The following COMMD10 variants were observed in gnomAD, a reference collection of about 807,000 sequenced individuals.
COMMD10 encodes COMM domain containing 10, also known as COMM domain-containing protein 10.
In COMMD10, 33 loss-of-function variants were observed where a neutral mutation model predicts 28.9. That is an observed-to-expected ratio of 1.14 (90% CI 0.87 to 1.53). The LOEUF (loss-of-function observed/expected upper bound fraction) is 1.53. Ranked by LOEUF, COMMD10 falls within the 40% of genes most tolerant of loss-of-function variation. The probability of loss-of-function intolerance (pLI) is 0.00; values close to 1 mark genes in which losing one functional copy is unlikely to be tolerated. For missense variants in COMMD10, 310 were observed against 233.4 expected (o/e 1.33, Z -2.14); for synonymous variants, 110 against 81.7 (o/e 1.35, Z -1.87).
intron 5 of COMMD10, among the ~76,000 whole-genome samples, chr5:116,207,604 C>T (rs1396638793): frequency 6.6e-6 from 1 of 152,152 alleles, no homozygotes. Flanking sequence ...GGGCTCACTG[C>T]AGCCTCCGCC....
intron 4 of COMMD10, among the ~76,000 whole-genome samples, chr5:116,101,825 G>C (rs898027773): frequency 4.6e-5 from 7 of 152,144 alleles, no homozygotes; most frequent in South Asian, 4.1e-4. Flanking sequence ...ATTTTTAAAT[G>C]TATCTGTTGG....
At chr5:116,120,986 CT>C (rs932293911) in intron 4 of COMMD10, among the ~76,000 whole-genome samples, 1 of 151,268 alleles carries the variant, frequency 6.6e-6, no homozygotes, top group African/African-American at 2.4e-5. Flanking sequence ...CCTATATTTT[CT>C]TTTTTTTAAT....
At chr5:116,127,488 G>T (rs1425943359) in intron 4 of COMMD10, among the ~76,000 whole-genome samples, 1 of 152,186 alleles carries the variant, frequency 6.6e-6, no homozygotes, top group East Asian at 1.9e-4. Flanking sequence ...CATGTTTATA[G>T]TGGCACTATT....
chr5:116,133,314 TTA>T (rs1283236546), intron 4 of COMMD10, among the ~76,000 whole-genome samples: 2 of 152,220 alleles, frequency 1.3e-5, no homozygotes, highest in African/African-American at 4.8e-5. Flanking sequence ...GCTCAATACT[TTA>T]TAAGAAAAGT....
At chr5:116,182,536 T>A (rs1283023045) in intron 5 of COMMD10, among the ~76,000 whole-genome samples, 1 of 151,986 alleles carries the variant, frequency 6.6e-6, no homozygotes, top group Non-Finnish European at 1.5e-5. Context: ...GCTGAGACAT[T>A]TAGACTATTT....
At chr5:116,164,121 A>G (rs1354638995) in intron 5 of COMMD10, among the ~76,000 whole-genome samples, 1 of 152,164 alleles carries the variant, frequency 6.6e-6, no homozygotes, top group Non-Finnish European at 1.5e-5. Context: ...GTTCTGGACT[A>G]GCTCTGCAAA....
intron 5 of COMMD10, among the ~76,000 whole-genome samples, chr5:116,151,724 G>C (rs955612412): frequency 1.3e-5 from 2 of 151,996 alleles, no homozygotes; most frequent in African/African-American, 4.8e-5. Flanking sequence ...CATTTTTGTT[G>C]TGTCTATTTG....
At chr5:116,281,056 G>C (rs1186936937) in intron 5 of COMMD10, among the ~76,000 whole-genome samples, 2 of 151,792 alleles carry the variant, frequency 1.3e-5, no homozygotes, top group Non-Finnish European at 2.9e-5. Context: ...TAGTTGAAAA[G>C]ATAATTGCAT....
intron 5 of COMMD10, chr5:116,255,654 T>C (rs1474610185): frequency 1.3e-5 from 2 of 151,754 alleles, no homozygotes; most frequent in East Asian, 3.9e-4. Context: ...ATTTTATCAT[T>C]TTAGTTTGAA....
chr5:116,148,348 T>C (rs540052907), intron 5 of COMMD10, among the ~76,000 whole-genome samples: 2 of 152,040 alleles, frequency 1.3e-5, no homozygotes. Flanking sequence ...TTTCTTCCTC[T>C]CTTTCTCTTT....
At chr5:116,272,717 G>A (rs1458278186) in intron 5 of COMMD10, among the ~76,000 whole-genome samples, 1 of 151,780 alleles carries the variant, frequency 6.6e-6, no homozygotes, top group Non-Finnish European at 1.5e-5. Flanking sequence ...TGAAAGCTCT[G>A]TTCTTGTCTG....
At chr5:116,154,975 T>C (rs888567392) in intron 5 of COMMD10, among the ~76,000 whole-genome samples, 1 of 152,148 alleles carries the variant, frequency 6.6e-6, no homozygotes, top group Admixed American at 6.6e-5. Context: ...AGCTATGCTA[T>C]TTTTCTTTAG....
chr5:116,122,040 G>A (rs1045864604), intron 4 of COMMD10, among the ~76,000 whole-genome samples: 2 of 152,096 alleles, frequency 1.3e-5, no homozygotes, highest in African/African-American at 4.8e-5. Flanking sequence ...TGGTGTTTTA[G>A]ACATGAAGTC....
At chr5:116,160,407 C>T (rs1334089563) in intron 5 of COMMD10, among the ~76,000 whole-genome samples, 1 of 152,126 alleles carries the variant, frequency 6.6e-6, no homozygotes, top group Non-Finnish European at 1.5e-5. Context: ...AACTTAGCAT[C>T]CTAATATCAG....
intron 2 of COMMD10, among the ~76,000 whole-genome samples, chr5:116,089,810 C>T: frequency 6.6e-6 from 1 of 152,144 alleles, no homozygotes; most frequent in East Asian, 1.9e-4. Context: ...AAGAAGACGT[C>T]AGGAAAGGTC....
At chr5:116,218,366 G>C (rs1414788225) in intron 5 of COMMD10, 3 of 582,162 alleles carry the variant, frequency 5.2e-6, no homozygotes. Context: ...GCTTTGGTGA[G>C]TCCAGGGGTC....
intron 4 of COMMD10, among the ~76,000 whole-genome samples, chr5:116,119,526 A>G (rs547670590): frequency 6.6e-6 from 1 of 151,920 alleles, no homozygotes; most frequent in East Asian, 1.9e-4. Context: ...TCACTTGGAT[A>G]TGGTAATATA....
chr5:116,097,223 A>G (rs1750498353), intron 4 of COMMD10, among the ~76,000 whole-genome samples: 1 of 152,186 alleles, frequency 6.6e-6, no homozygotes, highest in South Asian at 2.1e-4. Flanking sequence ...AGAATGCTGG[A>G]AATTATCTTT....
intron 5 of COMMD10, among the ~76,000 whole-genome samples, chr5:116,172,910 A>C (rs1331809336): frequency 6.6e-6 from 1 of 152,152 alleles, no homozygotes; most frequent in Admixed American, 6.6e-5. Flanking sequence ...ACAATATGAG[A>C]GGATGTCTTT....
Sources: allele counts gnomAD v4.1 joint callset (sites outside exome capture counted in the v4.1 genomes callset), GRCh38; gene constraint gnomAD v4.1.1; transcripts MANE v1.5; gene names NCBI Gene and HGNC (gene_info 2026-07-23, HGNC 2026-07-21).